The following TRAK1 variants were observed in gnomAD, a reference collection of about 807,000 sequenced individuals.
TRAK1 encodes the protein trafficking kinesin-binding protein 1.
A neutral mutation model predicts 92.1 loss-of-function variants in TRAK1; 33 were observed. That is an observed-to-expected ratio of 0.36 (90% CI 0.27 to 0.48). The LOEUF is 0.48. TRAK1 is among the 20% of genes least tolerant of loss of function. The probability of loss-of-function intolerance (pLI) is 0.99; values close to 1 mark genes in which losing one functional copy is unlikely to be tolerated. For missense variants in TRAK1, 1,123 were observed against 1,257.9 expected, an observed-to-expected ratio of 0.89 and a Z score of 1.62; for synonymous variants, 521 against 517.3, an observed-to-expected ratio of 1.01 and a Z score of -0.10.
At chr3:42,218,361 C>A in intron 14 of TRAK1, 1 of 957,604 alleles carries the variant, frequency 1.0e-6, no homozygotes, top group African/African-American at 2.1e-5. Flanking sequence ...TCTTCATGGC[C>A]TTTGAATCCT....
chr3:42,033,123 G>T (rs1012471655), intron 1 of TRAK1, among the ~76,000 whole-genome samples: 1 of 152,084 alleles, frequency 6.6e-6, no homozygotes, highest in African/African-American at 2.4e-5. Flanking sequence ...GGTAATTACC[G>T]CGGCCTCCCA....
intron 2 of TRAK1, among the ~76,000 whole-genome samples, chr3:42,132,620 C>T (rs182369209): frequency 1.2e-4 from 18 of 152,074 alleles, no homozygotes; most frequent in African/African-American, 3.9e-4. Flanking sequence ...ATTTTTGATC[C>T]GTGGTGGATA....
At chr3:42,044,767 G>T (rs1304802970) in intron 1 of TRAK1, among the ~76,000 whole-genome samples, 1 of 152,134 alleles carries the variant, frequency 6.6e-6, no homozygotes, top group African/African-American at 2.4e-5. Context: ...AAGATTTCAT[G>T]GCAAAGATCA....
At chr3:42,109,878 C>T (rs1708094217) in intron 1 of TRAK1, among the ~76,000 whole-genome samples, 2 of 151,652 alleles carry the variant, frequency 1.3e-5, no homozygotes, top group East Asian at 3.9e-4. Context: ...CGCATTTTCT[C>T]ACTTACAGGC....
chr3:42,092,711 G>GTGTTATGTTATGATGTTA (rs1553712930), intron 1 of TRAK1, among the ~76,000 whole-genome samples: 1 of 101,068 alleles, frequency 9.9e-6, no homozygotes, highest in African/African-American at 3.2e-5. Context: ...GTGTTGTGTT[G>GTGTTATGTTATGATGTTA]TGTTATGTTA....
intron 2 of TRAK1, chr3:42,160,603 T>G: frequency 9.7e-7 from 1 of 1,032,572 alleles, no homozygotes; most frequent in Non-Finnish European, 1.4e-6. Flanking sequence ...GTTAGAGATC[T>G]TATGCAAATG....
At chr3:42,096,975 C>T (rs1196623327) in intron 1 of TRAK1, among the ~76,000 whole-genome samples, 1 of 152,230 alleles carries the variant, frequency 6.6e-6, no homozygotes, top group Non-Finnish European at 1.5e-5. Context: ...TGCCTTTCCT[C>T]CCAAGGGAAT....
chr3:42,149,435 CTTCTGTCCAGTA>C, intron 2 of TRAK1: 1 of 1,517,506 alleles, frequency 6.6e-7, no homozygotes, highest in South Asian at 1.3e-5. Flanking sequence ...TCGGGATATT[CTTCTGTCCAGTA>C]TTCTGGAAGG....
At chr3:42,073,115 G>A (rs974443865) in intron 1 of TRAK1, among the ~76,000 whole-genome samples, 1 of 152,188 alleles carries the variant, frequency 6.6e-6, no homozygotes, top group Admixed American at 6.5e-5. Flanking sequence ...GAAGTCATTC[G>A]AGCAGAATCT....
intron 14 of TRAK1, among the ~76,000 whole-genome samples, chr3:42,212,896 TA>T (rs990425750): frequency 6.6e-6 from 1 of 152,176 alleles, no homozygotes; most frequent in Non-Finnish European, 1.5e-5. Flanking sequence ...GCCACATGGA[TA>T]GAGAAAATTG....
In TRAK1 at chr3:42,107,366, G is replaced by A. The variant is rs150772047; in HGVS notation, c.91+15806G>A. Among the ~76,000 whole-genome samples the A allele has an allele frequency of 1.9e-3, 285 of 152,134 alleles. 1 individual carries two copies. Among genetic ancestry groups the A allele is most frequent in the Non-Finnish European group, 3.0e-3 (206 of 68,000 alleles). ...CGTCTCTACTAAAATACGAAAATTA[G>A]CCTGGCGTGGTGGTGCGTGCCTGTA... is the stretch of plus-strand genomic sequence containing the variant. On this transcript the variant is annotated intron_variant, in intron 1 of 15. Coordinates refer to ENST00000327628, the MANE Select transcript of TRAK1 (RefSeq NM_001042646.3).
chr3:42,017,376 G>A (rs1272960865), intron 1 of TRAK1, among the ~76,000 whole-genome samples: 1 of 152,006 alleles, frequency 6.6e-6, no homozygotes, highest in Non-Finnish European at 1.5e-5. Context: ...AAAAGATGGA[G>A]ATAGAACCCA....
rs1707714476 is a variant in TRAK1 at position 42,202,107 on chromosome 3, G to A, written c.1428-329G>A. 6.6e-6 allele frequency among the ~76,000 whole-genome samples: 1 copy of A among 152,028 alleles called. No individual in the cohort carries two copies. Among genetic ancestry groups the A allele is most frequent in the Admixed American group, 6.5e-5 (1 of 15,276 alleles). On this transcript the variant is annotated intron_variant, in intron 12 of 15. Transcript: ENST00000327628. The surrounding 1 kb of genome is among the most constrained non-coding windows in gnomAD (Gnocchi z 6.1). ...CATGCCTTAACCCCATTATCCTTCT[G>A]GTAGCCAGGAACAGCAACCTACAGG...
chr3:42,176,960 A>G (rs780998221), intron 3 of TRAK1, 70 bp downstream of exon 3: 159 of 1,360,446 alleles, frequency 1.2e-4, no homozygotes, highest in Middle Eastern at 1.8e-4. Flanking sequence ...TGATTAAAGC[A>G]TGCCTTATCA....
chr3:42,173,458 C>T (rs1048177328), intron 2 of TRAK1, among the ~76,000 whole-genome samples: 1 of 152,200 alleles, frequency 6.6e-6, no homozygotes, highest in Admixed American at 6.5e-5. Flanking sequence ...AACAGGAAAT[C>T]TAAAACCTAG....
chr3:42,135,496 G>A (rs1697833449), intron 2 of TRAK1, among the ~76,000 whole-genome samples: 1 of 152,198 alleles, frequency 6.6e-6, no homozygotes, highest in African/African-American at 2.4e-5. Context: ...GGGTGGCCGA[G>A]GTGGGAGGAT....
chr3:42,094,561 G>A (rs1705617991), intron 1 of TRAK1, among the ~76,000 whole-genome samples: 1 of 151,892 alleles, frequency 6.6e-6, no homozygotes, highest in African/African-American at 2.4e-5. Context: ...TGGTAGCAGT[G>A]GGATCTTGCT....
chr3:42,129,453 T>C (rs1696915733), intron 2 of TRAK1, among the ~76,000 whole-genome samples: 1 of 152,084 alleles, frequency 6.6e-6, no homozygotes, highest in African/African-American at 2.4e-5. Flanking sequence ...AAACGCGGCT[T>C]TACCTTTTAA....
intron 2 of TRAK1, among the ~76,000 whole-genome samples, chr3:42,166,378 T>C (rs758557315): frequency 5.9e-5 from 9 of 152,142 alleles, no homozygotes; most frequent in Non-Finnish European, 1.3e-4. Context: ...TATTGCCTTA[T>C]TAAATGTCTT....
Sources: gnomAD v4.1 joint callset for allele counts (sites outside exome capture counted in the v4.1 genomes callset) on GRCh38, gnomAD v4.1.1 for gene constraint, Gnocchi (gnomAD v3.1) non-coding constraint, MANE v1.5 for transcripts, NCBI Gene and HGNC (gene_info 2026-07-23, HGNC 2026-07-21) for gene names.